The following FXYD5 variants were observed in gnomAD, a reference collection of about 807,000 sequenced individuals.
The protein encoded by FXYD5 is FXYD domain containing ion transport regulator 5, also known as FXYD domain-containing ion transport regulator 5.
Under a neutral mutation model 25.7 loss-of-function variants are expected in FXYD5, and 21 were observed. That is an observed-to-expected ratio of 0.82 (90% CI 0.58 to 1.18). The LOEUF is 1.18. Ranked by LOEUF, FXYD5 falls within the 50% of genes most tolerant of loss-of-function variation. FXYD5 has a pLI of 0.00. For missense variants in FXYD5, 229 were observed against 227.7 expected, an observed-to-expected ratio of 1.01 and a Z score of -0.04; for synonymous variants, 101 against 90.7, an observed-to-expected ratio of 1.11 and a Z score of -0.64.
chr19:35,160,322 G>A (rs913674974), intron 4 of FXYD5, among the ~76,000 whole-genome samples: 1 of 152,088 alleles, frequency 6.6e-6, no homozygotes, highest in African/African-American at 2.4e-5. Context: ...GTGACACTTG[G>A]TATACTGACA....
At chr19:35,169,521 C>G (rs1456535881) in intron 8 of FXYD5, 45 bp from the exon 9 acceptor site, 1 of 1,423,514 alleles carries the variant, frequency 7.0e-7, no homozygotes, top group Non-Finnish European at 9.9e-7. Flanking sequence ...CGATAAGAAT[C>G]AATATCACTC....
chr19:35,167,601 A>C (rs2065462289), intron 8 of FXYD5, among the ~76,000 whole-genome samples: 1 of 152,244 alleles, frequency 6.6e-6, no homozygotes. Flanking sequence ...GGGTGAAATA[A>C]AACACGAGCT....
intron 2 of FXYD5, among the ~76,000 whole-genome samples, chr19:35,156,150 T>G (rs1377380570): frequency 6.6e-6 from 1 of 152,190 alleles, no homozygotes; most frequent in Admixed American, 6.5e-5. Flanking sequence ...ACCTGTTGTC[T>G]TGCCCATTTT....
At position 35,160,804 on chromosome 19, in the gene FXYD5, A is replaced by G. The variant is rs1432125553; in HGVS notation, c.292+3A>G. On this transcript the variant is annotated splice_donor_region_variant and intron_variant, in intron 5 of 8. Transcript: ENST00000392219. ...GACACACAAGAGCACCAAAGCAGGT[A>G]TAGCATGGGACTGAGAGCAGCAGCC... The G allele has an allele frequency of 1.9e-6, 3 of 1,587,794 alleles. No homozygotes were observed. In the African/African-American group the frequency reaches 4.0e-5, roughly 21 times the overall value.
At chr19:35,166,408 G>A in intron 8 of FXYD5, 83 bp downstream of exon 8, 1 of 878,924 alleles carries the variant, frequency 1.1e-6, no homozygotes, top group Admixed American at 2.3e-5. Context: ...AAGGTCCCTG[G>A]GCAATTTTGT....
At chr19:35,163,922 G>A (rs756252521) in intron 5 of FXYD5, 171 of 1,335,060 alleles carry the variant, frequency 1.3e-4, no homozygotes, top group Non-Finnish European at 1.6e-4. Context: ...GGAGTCCCTC[G>A]GGGATTGAGG....
At position 35,157,459 on chromosome 19, in the gene FXYD5, G is replaced by T; in HGVS notation, c.100G>T (p.Asp34Tyr). 6.3e-7 allele frequency: 1 copy of T among 1,599,498 alleles called. No individual in the cohort carries two copies. Residue 34 changes from aspartate (D) to tyrosine (Y), a missense_variant, in exon 3 of 9, where the codon GAC becomes TAC. Physicochemically the swap from Asp to Tyr is radical, Grantham distance 160 (BLOSUM62 -3). Coordinates refer to ENST00000392219, the MANE Select transcript of FXYD5 (RefSeq NM_014164.6). ...LKDTTSSSSADSTIMDIQVPT... is the reference protein window; with the variant it reads ...LKDTTSSSSAYSTIMDIQVPT... ...AGATACCACGTCCAGTTCTTCAGCA[G>T]ACTCAACTATCATGGACATTCAGGT...
At position 35,169,594 on chromosome 19, in the gene FXYD5, A is replaced by C; in HGVS notation, c.516A>C (p.Leu172Phe). The C allele has an allele frequency of 6.2e-7, 1 of 1,612,022 alleles. No individual in the cohort carries two copies. Residue 172 changes from leucine to phenylalanine, a missense_variant, in exon 9 of 9, where the codon TTA (leucine) becomes TTC (phenylalanine). Leu to Phe is a conservative substitution (Grantham distance 22). Coordinates refer to ENST00000392219, the MANE Select transcript of FXYD5 (RefSeq NM_014164.6). ...GCAAGTGCAGGCAGCTGTCCCGGTT[A>C]TGCCGGAATCGTTGCAGGTGAGTCC... The part of the protein sequence containing the change: ...TSGKCRQLSR[L>F]CRNRCR
rs1209959404 is a variant in FXYD5, at chr19:35,168,791, AGTGG to A, written c.488-774_488-771del. The stretch of plus-strand genomic sequence containing the variant: ...AAATGTCACCTCCTTGGCAGGCCAC[AGTGG>A]TTCACGTATGTAATCCCAGGACTTT... On this transcript the variant is annotated intron_variant, in intron 8 of 8. Coordinates refer to ENST00000392219, the MANE Select transcript of FXYD5 (RefSeq NM_014164.6). 1.1e-4 allele frequency among the ~76,000 whole-genome samples: 17 copies of A among 152,250 alleles called. No individual in the cohort carries two copies. In the East Asian group the frequency reaches 3.1e-3, roughly 28 times the overall value.
At chr19:35,166,029 T>C in intron 6 of FXYD5, 113 bp from the exon 7 acceptor site, 1 of 914,626 alleles carries the variant, frequency 1.1e-6, no homozygotes, top group Non-Finnish European at 1.8e-6. Flanking sequence ...GGTGAAGATT[T>C]TGGGTTTTGT....
rs184410740 is a variant in FXYD5, at chr19:35,160,918, A to T, written c.292+117A>T. The T allele has an allele frequency of 6.8e-5, 43 of 636,694 alleles. 1 individual carries two copies. Among genetic ancestry groups the T allele is most frequent in the Admixed American group, 3.1e-4 (11 of 35,908 alleles). The allele number at this position is 636,694 out of a possible 1,614,324, so 39.4% of individuals were successfully genotyped here. ...TGTTTGGGGAATTGTTAATACATTT[A>T]AAAAAAATGTTTTTGGTTTGTGGTC... On this transcript the variant is annotated intron_variant, in intron 5 of 8. Coordinates refer to ENST00000392219, the MANE Select transcript of FXYD5 (RefSeq NM_014164.6).
At chr19:35,155,361 G>C (rs2065343216) in intron 1 of FXYD5, 190 bp from the exon 2 acceptor site, 1 of 598,112 alleles carries the variant, frequency 1.7e-6, no homozygotes, top group Admixed American at 2.9e-5. Flanking sequence ...AAGGAAGCAG[G>C]GTGACGGTTT....
intron 4 of FXYD5, 111 bp downstream of exon 4, chr19:35,158,511 T>C (rs2065377615): frequency 8.4e-6 from 6 of 714,192 alleles, no homozygotes; most frequent in Non-Finnish European, 1.5e-5. Context: ...TACTCCCAGC[T>C]CTGAATGCCC....
chr19:35,155,159 G>T, intron 1 of FXYD5: 1 of 221,742 alleles, frequency 4.5e-6, no homozygotes, highest in Non-Finnish European at 8.9e-6. Context: ...CTGGGCCCCT[G>T]GGGGAGGGAA....
At position 35,155,560 on chromosome 19, in the gene FXYD5, T is replaced by A. The variant is rs2065346045; in HGVS notation, c.10T>A (p.Ser4Thr). MSPSGRLCLLTIVG... is the reference protein window; with the variant it reads MSPTGRLCLLTIVG... ...TCGCCTGGTCCCACAGATGTCGCCC[T>A]CTGGTCGCCTGTGTCTTCTCACCAT... Residue 4 changes from serine to threonine, a missense_variant, in exon 2 of 9, where the codon TCT becomes ACT. Ser to Thr is a moderately conservative substitution (Grantham distance 58). Coordinates refer to ENST00000392219, the MANE Select transcript of FXYD5 (RefSeq NM_014164.6). The A allele has an allele frequency of 6.2e-7, 1 of 1,610,374 alleles. No individual in the cohort carries two copies. Among genetic ancestry groups the A allele is most frequent in the Non-Finnish European group, 8.5e-7 (1 of 1,179,758 alleles).
intron 2 of FXYD5, 53 bp downstream of exon 2, chr19:35,155,664 C>T (rs1014912655): frequency 1.9e-4 from 251 of 1,333,710 alleles, no homozygotes; most frequent in Middle Eastern, 1.3e-3. Context: ...GCCAGGCCAG[C>T]CCCACGTGTG....
chr19:35,158,164 A>G (rs1182145786), intron 3 of FXYD5, among the ~76,000 whole-genome samples, 180 bp from the exon 4 acceptor site: 2 of 152,212 alleles, frequency 1.3e-5, no homozygotes. Flanking sequence ...TAAGGTCCCA[A>G]AGAAGGGGAC....
chr19:35,166,667 C>A, intron 8 of FXYD5: 2 of 391,236 alleles, frequency 5.1e-6, no homozygotes, highest in Non-Finnish European at 9.0e-6. Flanking sequence ...ACTAAGCTAG[C>A]CTGGGCTTGT....
Position 35,169,611 on chromosome 19 carries a change from G to A in FXYD5, c.533G>A (p.Arg178Lys). 1 of 1,606,764 alleles carries A rather than the reference G, an allele frequency of 6.2e-7. No homozygotes were observed. Among genetic ancestry groups the A allele is most frequent in the East Asian group, 2.2e-5 (1 of 44,852 alleles). The change falls in exon 9 of 9, where the codon AGG becomes AAG. Residue 178 changes from arginine (R) to lysine (K), a missense_variant. Physicochemically the swap from Arg to Lys is conservative, Grantham distance 26. Transcript: ENST00000392219. Reference protein sequence around the residue: ...QLSRLCRNRCR With the variant: ...QLSRLCRNRCK ...TCCCGGTTATGCCGGAATCGTTGCA[G>A]GTGAGTCCATCAGAAACAGGAGCTG...
Sources: allele counts gnomAD v4.1 joint callset (sites outside exome capture counted in the v4.1 genomes callset), GRCh38; gene constraint gnomAD v4.1.1; transcripts MANE v1.5; gene names NCBI Gene and HGNC (gene_info 2026-07-23, HGNC 2026-07-21).